Variants in SSBP3 observed in about 807,000 individuals in gnomAD.
SSBP3 encodes single-stranded DNA-binding protein 3.
A neutral mutation model predicts 69.6 loss-of-function variants in SSBP3; 5 were observed. The ratio of observed to expected loss-of-function variants is 0.07; its 90% confidence interval spans 0.04 to 0.15. The LOEUF (loss-of-function observed/expected upper bound fraction) is 0.15, where lower values mean the gene tolerates loss of function less well. Ranked by LOEUF, SSBP3 falls within the 10% of genes least tolerant of loss-of-function variation. The pLI, the probability that SSBP3 is intolerant of heterozygous loss-of-function variation, is 1.00. For missense variants in SSBP3, 312 were observed against 534.0 expected, an observed-to-expected ratio of 0.58 and a Z score of 4.10; for synonymous variants, 196 against 193.4, an observed-to-expected ratio of 1.01 and a Z score of -0.11.
At position 54,268,902 on chromosome 1, in the gene SSBP3, T is replaced by C. The variant is rs535232887; in HGVS notation, c.367-10753A>G. The stretch of plus-strand genomic sequence containing the variant: ...TGCTGCTGGAAAAGCCCCAGATTCA[T>C]GGGGCTTGGAGCTCGGCCTATAGCT... On this transcript the variant is annotated intron_variant, in intron 5 of 17. Coordinates refer to ENST00000610401, the Ensembl canonical transcript of SSBP3. Among the ~76,000 whole-genome samples, 35 of 152,300 alleles carry C rather than the reference T, an allele frequency of 2.3e-4. 1 individual carries two copies. The South Asian group carries it at 5.0e-3, about 22-fold the overall frequency.
chr1:54,273,950 C>T (rs564299269), intron 5 of SSBP3, among the ~76,000 whole-genome samples: 1 of 152,330 alleles, frequency 6.6e-6, no homozygotes, highest in East Asian at 1.9e-4. Context: ...CACCTCCTCT[C>T]TAATCCTTCT....
chr1:54,379,106 C>T (rs1273906945), intron 4 of SSBP3, among the ~76,000 whole-genome samples: 1 of 152,206 alleles, frequency 6.6e-6, no homozygotes, highest in Non-Finnish European at 1.5e-5. Context: ...GATCTGCCAC[C>T]CTGAAGAGAG....
At chr1:54,298,991 A>AG (rs1169048027) in intron 4 of SSBP3, among the ~76,000 whole-genome samples, 1 of 137,542 alleles carries the variant, frequency 7.3e-6, no homozygotes, top group East Asian at 2.6e-4. Flanking sequence ...CGCTGAGCTG[A>AG]GGATAGGCAT....
chr1:54,324,218 G>C (rs1007106851), intron 4 of SSBP3, among the ~76,000 whole-genome samples: 2 of 152,178 alleles, frequency 1.3e-5, no homozygotes, highest in Non-Finnish European at 2.9e-5. Context: ...ACAGAAATCA[G>C]AAGTGGGGAT....
At chr1:54,321,842 A>C (rs894092174) in intron 4 of SSBP3, among the ~76,000 whole-genome samples, 1 of 152,174 alleles carries the variant, frequency 6.6e-6, no homozygotes, top group African/African-American at 2.4e-5. Context: ...CATGAGAAGG[A>C]GGTGGGGTCT....
chr1:54,316,618 C>T, intron 4 of SSBP3, among the ~76,000 whole-genome samples: 1 of 132,578 alleles, frequency 7.5e-6, no homozygotes, highest in African/African-American at 3.0e-5. Flanking sequence ...TCCGCAGTCC[C>T]ACCTGGGCGA....
At chr1:54,283,793 G>T (rs1645438583) in intron 4 of SSBP3, among the ~76,000 whole-genome samples, 2 of 150,774 alleles carry the variant, frequency 1.3e-5, no homozygotes, top group East Asian at 3.9e-4. Context: ...CATCCCCCAG[G>T]TCTGAGGTCA....
chr1:54,280,455 C>T (rs561966261), intron 5 of SSBP3, among the ~76,000 whole-genome samples: 1 of 152,320 alleles, frequency 6.6e-6, no homozygotes, highest in East Asian at 1.9e-4. Context: ...TAGGGCTGTA[C>T]AGAGGAAATT....
chr1:54,280,101 C>G (rs1191923646), intron 5 of SSBP3, among the ~76,000 whole-genome samples: 1 of 152,202 alleles, frequency 6.6e-6, no homozygotes, highest in Non-Finnish European at 1.5e-5. Flanking sequence ...CTCTCTCCTC[C>G]CACCACCATC....
At chr1:54,266,777 C>T (rs1297611281) in intron 5 of SSBP3, among the ~76,000 whole-genome samples, 1 of 151,712 alleles carries the variant, frequency 6.6e-6, no homozygotes, top group Non-Finnish European at 1.5e-5. Flanking sequence ...TGAGCACTGG[C>T]CAGGCATCAG....
At chr1:54,389,261 G>C (rs1321186694) in intron 4 of SSBP3, among the ~76,000 whole-genome samples, 1 of 152,168 alleles carries the variant, frequency 6.6e-6, no homozygotes, top group African/African-American at 2.4e-5. Flanking sequence ...ATATTTTCAA[G>C]CCTGGAGTCC....
intron 4 of SSBP3, among the ~76,000 whole-genome samples, chr1:54,383,998 T>C (rs1163626606): frequency 1.3e-5 from 2 of 149,308 alleles, no homozygotes; most frequent in African/African-American, 5.0e-5. Flanking sequence ...CCCAGCTACT[T>C]GGGAGGCTGA....
intron 5 of SSBP3, among the ~76,000 whole-genome samples, chr1:54,265,314 GTGTGTGTGTTATGTAGGGTGTGTA>G (rs1248859336): frequency 6.6e-6 from 1 of 152,132 alleles, no homozygotes; most frequent in East Asian, 1.9e-4. Context: ...GGGTGTGGGT[GTGTGTGTGTTATGTAGGGTGTGTA>G]TGTGTGTGTG....
intron 4 of SSBP3, among the ~76,000 whole-genome samples, chr1:54,292,752 G>A: frequency 6.6e-6 from 1 of 152,154 alleles, no homozygotes; most frequent in South Asian, 2.1e-4. Context: ...ACCAGGACAT[G>A]AATTCCGTGT....
chr1:54,391,472 C>T (rs557722197), intron 4 of SSBP3, among the ~76,000 whole-genome samples: 3 of 152,218 alleles, frequency 2.0e-5, no homozygotes, highest in South Asian at 2.1e-4. Context: ...TATAAAGCTA[C>T]GCTCTGCCCC....
intron 6 of SSBP3, 198 bp from the exon 7 acceptor site, chr1:54,257,384 CTT>C (rs1239031421): frequency 1.9e-5 from 10 of 517,524 alleles, no homozygotes; most frequent in Admixed American, 4.3e-5. Flanking sequence ...AAATGTGTCT[CTT>C]GACTCCACAT....
At chr1:54,311,238 G>A (rs977642020) in intron 4 of SSBP3, among the ~76,000 whole-genome samples, 3 of 152,172 alleles carry the variant, frequency 2.0e-5, no homozygotes, top group Non-Finnish European at 4.4e-5. Context: ...CACCAGTGAA[G>A]ACCAGGGTCC....
intron 9 of SSBP3, among the ~76,000 whole-genome samples, chr1:54,245,321 C>A (rs1644714628): frequency 6.6e-6 from 1 of 152,170 alleles, no homozygotes; most frequent in Non-Finnish European, 1.5e-5. Context: ...GAAAGTTTTG[C>A]CTCAAGTTGC....
chr1:54,251,711 G>A lies in SSBP3; in HGVS notation c.575-19C>T, dbSNP rs202207808. 1.7e-5 allele frequency: 26 copies of A among 1,571,736 alleles called. No homozygotes were observed. The East Asian group carries it at 3.5e-4, about 21-fold the overall frequency. On this transcript the variant is annotated intron_variant, in intron 8 of 17. Coordinates refer to ENST00000610401, the Ensembl canonical transcript of SSBP3. ...GGGTGGCCTGCGTGAGAGAGGAGGC[G>A]CGTCATGGGATGGCAGGAGTGGAGG... is the stretch of plus-strand genomic sequence containing the variant.
Sources: gnomAD v4.1 joint callset for allele counts (sites outside exome capture counted in the v4.1 genomes callset) on GRCh38, gnomAD v4.1.1 for gene constraint, MANE v1.5 for transcripts, NCBI Gene and HGNC (gene_info 2026-07-23, HGNC 2026-07-21) for gene names.